FCHSD2: variants seen among roughly 807,000 people sequenced by gnomAD.
The protein encoded by FCHSD2 is FCH and double SH3 domains 2, also known as F-BAR and double SH3 domains protein 2.
FCHSD2 carries 38 observed loss-of-function variants against 108.1 expected under a neutral mutation model. That is an observed-to-expected ratio of 0.35 (90% CI 0.27 to 0.46). The LOEUF is 0.46. Ranked by LOEUF, FCHSD2 falls within the 20% of genes least tolerant of loss-of-function variation. FCHSD2 has a pLI of 1.00. For missense variants in FCHSD2, 751 were observed against 897.8 expected (o/e 0.84, Z 2.09); for synonymous variants, 279 against 314.7 (o/e 0.89, Z 1.20).
chr11:72,917,757 A>G (rs1855903045), intron 9 of FCHSD2, among the ~76,000 whole-genome samples: 1 of 152,156 alleles, frequency 6.6e-6, no homozygotes, highest in South Asian at 2.1e-4. Flanking sequence ...GCGTGGTGGC[A>G]TATGCCTGTA....
At chr11:73,052,075 T>G (rs567954753) in intron 3 of FCHSD2, among the ~76,000 whole-genome samples, 1 of 152,162 alleles carries the variant, frequency 6.6e-6, no homozygotes, top group South Asian at 2.1e-4. Flanking sequence ...AACAAAGAAA[T>G]TTAGTGACAT....
At position 73,073,313 on chromosome 11, in the gene FCHSD2, T is replaced by C. The variant is rs542629814; in HGVS notation, c.165+10382A>G. Reference sequence around the variant, plus strand: ...AATACATCTGTTACTTCTGGAGAATTACAAAGTGAACTTCACAAACCATAC... The same window carrying C: ...AATACATCTGTTACTTCTGGAGAATCACAAAGTGAACTTCACAAACCATAC... On this transcript the variant is annotated intron_variant, in intron 3 of 19. Coordinates refer to ENST00000409418, the MANE Select transcript of FCHSD2 (RefSeq NM_014824.3). 4.6e-5 allele frequency among the ~76,000 whole-genome samples: 7 copies of C among 152,360 alleles called. No homozygotes were observed. The East Asian group carries it at 1.3e-3, about 29-fold the overall frequency.
intron 12 of FCHSD2, 82 bp from the exon 13 acceptor site, chr11:72,868,108 T>A: frequency 7.7e-7 from 1 of 1,291,532 alleles, no homozygotes; most frequent in East Asian, 2.5e-5. Flanking sequence ...CAAATGCCCA[T>A]CAATGATCGA....
chr11:72,876,545 T>A (rs1190455405), intron 12 of FCHSD2, among the ~76,000 whole-genome samples: 4 of 152,252 alleles, frequency 2.6e-5, no homozygotes, highest in African/African-American at 9.6e-5. Flanking sequence ...TTACTATGTA[T>A]AATATCAATC....
At chr11:73,054,023 CAGAT>C (rs1307833346) in intron 3 of FCHSD2, among the ~76,000 whole-genome samples, 2 of 152,158 alleles carry the variant, frequency 1.3e-5, no homozygotes, top group African/African-American at 4.8e-5. Flanking sequence ...GTCCTCACAA[CAGAT>C]AGTTTGAGTG....
intron 2 of FCHSD2, among the ~76,000 whole-genome samples, chr11:73,127,077 C>T (rs1860876499): frequency 6.6e-6 from 1 of 152,142 alleles, no homozygotes; most frequent in Admixed American, 6.6e-5. Context: ...TTGCTCCCAT[C>T]CTCCAATCAC....
chr11:72,963,477 T>A (rs1318078059), intron 8 of FCHSD2, among the ~76,000 whole-genome samples: 1 of 152,126 alleles, frequency 6.6e-6, no homozygotes, highest in Non-Finnish European at 1.5e-5. Context: ...TCAAACCAAA[T>A]TTGCCTTGCT....
intron 10 of FCHSD2, among the ~76,000 whole-genome samples, chr11:72,901,771 C>A (rs539118011): frequency 5.7e-4 from 87 of 152,126 alleles, no homozygotes; most frequent in Non-Finnish European, 9.1e-4. Context: ...TCTAAGAAAT[C>A]TGAAAGGAAT....
intron 10 of FCHSD2, among the ~76,000 whole-genome samples, chr11:72,897,851 G>C (rs1269232017): frequency 6.6e-6 from 1 of 152,084 alleles, no homozygotes; most frequent in African/African-American, 2.4e-5. Context: ...ATCCTCCTCA[G>C]AAAAATTCTG....
At chr11:72,891,379 A>G (rs1468129555) in intron 10 of FCHSD2, among the ~76,000 whole-genome samples, 1 of 152,242 alleles carries the variant, frequency 6.6e-6, no homozygotes, top group Non-Finnish European at 1.5e-5. Flanking sequence ...CATTTCAGCT[A>G]GATTATAACA....
chr11:72,911,862 AC>A (rs1011749220), intron 9 of FCHSD2, among the ~76,000 whole-genome samples: 31 of 151,970 alleles, frequency 2.0e-4, no homozygotes, highest in African/African-American at 7.0e-4. Flanking sequence ...ATTTTAAGAG[AC>A]CTTTCACTTC....
intron 2 of FCHSD2, among the ~76,000 whole-genome samples, chr11:73,106,773 A>G (rs909455191): frequency 6.6e-6 from 1 of 152,174 alleles, no homozygotes; most frequent in Non-Finnish European, 1.5e-5. Context: ...TCAGTACAGT[A>G]ACATGCTGGA....
chr11:72,959,478 GC>G (rs59376387), intron 8 of FCHSD2, among the ~76,000 whole-genome samples: 143,712 of 151,118 alleles, frequency 0.95, 68,643 homozygotes, highest in East Asian at 1. Flanking sequence ...CTCATGATCC[GC>G]CCGCCTCGGC....
At chr11:73,131,102 C>G (rs1860985665) in intron 2 of FCHSD2, among the ~76,000 whole-genome samples, 1 of 152,198 alleles carries the variant, frequency 6.6e-6, no homozygotes, top group African/African-American at 2.4e-5. Context: ...TCACTGAGGG[C>G]TGGGCATGGT....
chr11:73,013,688 G>A (rs545329404), intron 4 of FCHSD2, among the ~76,000 whole-genome samples: 1 of 152,272 alleles, frequency 6.6e-6, no homozygotes, highest in African/African-American at 2.4e-5. Context: ...TCTTAGCACA[G>A]TGTCTGCCAC....
At chr11:72,989,861 C>T (rs1393556783) in intron 5 of FCHSD2, among the ~76,000 whole-genome samples, 3 of 152,182 alleles carry the variant, frequency 2.0e-5, no homozygotes, top group African/African-American at 7.2e-5. Context: ...CTAAAAACTT[C>T]TAAGCCTGAA....
chr11:73,026,055 C>T (rs1331303434), intron 3 of FCHSD2, among the ~76,000 whole-genome samples: 9 of 152,046 alleles, frequency 5.9e-5, no homozygotes, highest in Admixed American at 1.3e-4. Context: ...CATAGAGTCT[C>T]ACTCTGTTCC....
chr11:72,989,873 T>C (rs978524051), intron 5 of FCHSD2, among the ~76,000 whole-genome samples: 7 of 151,998 alleles, frequency 4.6e-5, no homozygotes, highest in African/African-American at 1.7e-4. Context: ...AAGCCTGAAA[T>C]AGCACTGGTG....
At chr11:72,940,792 C>A in intron 8 of FCHSD2, 1 of 842,168 alleles carries the variant, frequency 1.2e-6, no homozygotes, top group Non-Finnish European at 2.0e-6. Flanking sequence ...CTGAAGCCTT[C>A]AGTGCGTTGC....
Sources: allele counts gnomAD v4.1 joint callset (sites outside exome capture counted in the v4.1 genomes callset), GRCh38; gene constraint gnomAD v4.1.1; transcripts MANE v1.5; gene names NCBI Gene and HGNC (gene_info 2026-07-23, HGNC 2026-07-21).